The following ANXA8 variants were observed in gnomAD, a reference collection of about 807,000 sequenced individuals.
ANXA8 encodes VAC-beta.
ANXA8 carries 9 observed loss-of-function variants against 26.8 expected under a neutral mutation model. The ratio of observed to expected loss-of-function variants is 0.34; its 90% CI spans 0.20 to 0.59. ANXA8 has a LOEUF of 0.59. ANXA8 is among the 20% of genes least tolerant of loss of function. ANXA8 has a pLI of 0.84. For synonymous variants in ANXA8, 39 were observed against 94.8 expected (o/e 0.41, Z 3.42); for missense variants, 83 against 238.5 (o/e 0.35, Z 4.29).
the ANXA8 span, among the ~76,000 whole-genome samples, chr10:47,593,657 T>G: frequency 6.7e-6 from 1 of 149,640 alleles, no homozygotes; most frequent in Non-Finnish European, 1.5e-5. Context: ...ATATGGAAAC[T>G]TCACCCTCTG....
the ANXA8 span, chr10:47,496,200 C>T: frequency 0.037 from 5,644 of 151,442 alleles, 9 homozygotes; most frequent in African/African-American, 0.064. Flanking sequence ...GGGAGCCCCA[C>T]TCCCTCCACA....
At chr10:47,982,240 T>C in the ANXA8 span, among the ~76,000 whole-genome samples, 1 of 149,014 alleles carries the variant, frequency 6.7e-6, no homozygotes, top group Non-Finnish European at 1.5e-5. Context: ...CAGTGACCTA[T>C]GATCAAGGCA....
chr10:47,533,185 T>TCACACACACACA, the ANXA8 span, among the ~76,000 whole-genome samples: 73 of 102,448 alleles, frequency 7.1e-4, 3 homozygotes, highest in African/African-American at 2.6e-3. Context: ...TAAACACACA[T>TCACACACACACA]CACACACACA....
the ANXA8 span, among the ~76,000 whole-genome samples, chr10:47,685,379 ACAAAAAAACCTTG>A: frequency 1.4e-5 from 2 of 146,930 alleles, no homozygotes; most frequent in Non-Finnish European, 3.0e-5. Context: ...AAAAAAAAAC[ACAAAAAAACCTTG>A]TGTTTTGTGG....
the ANXA8 span, among the ~76,000 whole-genome samples, chr10:47,680,532 G>A: frequency 1.3e-5 from 2 of 151,730 alleles, no homozygotes; most frequent in Non-Finnish European, 1.5e-5. Context: ...CTACTCGGGA[G>A]ACTGAGGCGG....
At chr10:47,555,409 T>C in the ANXA8 span, among the ~76,000 whole-genome samples, 23 of 151,416 alleles carry the variant, frequency 1.5e-4, no homozygotes, top group Non-Finnish European at 3.1e-4. Flanking sequence ...CCTAGACTAG[T>C]AGCTGCTCCT....
chr10:47,507,983 C>T, the ANXA8 span, among the ~76,000 whole-genome samples: 1 of 113,358 alleles, frequency 8.8e-6, no homozygotes, highest in African/African-American at 3.2e-5. Context: ...CAACCTCCAC[C>T]ACCCAGGTTC....
the ANXA8 span, among the ~76,000 whole-genome samples, chr10:47,626,746 A>G: frequency 6.7e-6 from 1 of 150,332 alleles, no homozygotes; most frequent in African/African-American, 2.5e-5. Context: ...AATGTGGTTA[A>G]TTGTCTTATC....
At chr10:47,716,109 C>A in the ANXA8 span, among the ~76,000 whole-genome samples, 1 of 142,804 alleles carries the variant, frequency 7.0e-6, no homozygotes, top group Non-Finnish European at 1.5e-5. Context: ...ACAGAGTCTC[C>A]CTATGTTGCC....
At chr10:47,692,927 G>T in the ANXA8 span, among the ~76,000 whole-genome samples, 4 of 151,132 alleles carry the variant, frequency 2.6e-5, no homozygotes, top group Admixed American at 2.6e-4. Flanking sequence ...TAGAGACGGG[G>T]TTTCACCATG....
the ANXA8 span, chr10:47,762,968 G>A: frequency 3.8e-6 from 5 of 1,299,860 alleles, no homozygotes; most frequent in Non-Finnish European, 3.9e-6. Flanking sequence ...GGCTCCCTGC[G>A]GCTTGGGGCA....
the ANXA8 span, among the ~76,000 whole-genome samples, chr10:47,589,670 T>C: frequency 6.9e-6 from 1 of 145,568 alleles, no homozygotes; most frequent in Non-Finnish European, 1.5e-5. Context: ...ATTTGGCTTC[T>C]CATTCTCGCT....
At chr10:47,492,154 T>C in the ANXA8 span, among the ~76,000 whole-genome samples, 4 of 151,104 alleles carry the variant, frequency 2.6e-5, no homozygotes, top group African/African-American at 9.8e-5. Flanking sequence ...CTTTGAGTCA[T>C]GAACACAAGT....
chr10:47,622,904 C>T, the ANXA8 span, among the ~76,000 whole-genome samples: 1 of 113,176 alleles, frequency 8.8e-6, no homozygotes, highest in African/African-American at 3.4e-5. Context: ...TTCTCCTTTT[C>T]TCAATTGCCA....
At chr10:47,943,655 G>A in the ANXA8 span, among the ~76,000 whole-genome samples, 1 of 151,636 alleles carries the variant, frequency 6.6e-6, no homozygotes, top group Non-Finnish European at 1.5e-5. Context: ...AGGGCTTTGG[G>A]CTACAGGTGG....
chr10:47,777,233 T>C, the ANXA8 span, among the ~76,000 whole-genome samples: 1 of 151,552 alleles, frequency 6.6e-6, no homozygotes, highest in African/African-American at 2.4e-5. Flanking sequence ...GAGACAACCC[T>C]AAAGTTGCAT....
the ANXA8 span, among the ~76,000 whole-genome samples, chr10:47,580,784 A>AC: frequency 2.2e-3 from 327 of 149,936 alleles, 6 homozygotes; most frequent in Admixed American, 5.5e-3. Context: ...AAACAAACAA[A>AC]AAAAAACAGG....
chr10:47,943,985 C>CCT, the ANXA8 span, among the ~76,000 whole-genome samples: 1 of 147,920 alleles, frequency 6.8e-6, no homozygotes. Flanking sequence ...GGCAGACACT[C>CCT]CTGGCTCCTG....
the ANXA8 span, among the ~76,000 whole-genome samples, chr10:47,614,639 C>CTTTCT: frequency 2.0e-3 from 134 of 66,828 alleles, 13 homozygotes; most frequent in African/African-American, 5.5e-3. Flanking sequence ...CAGACTTATC[C>CTTTCT]TTTCTTTTCT....
Sources: gnomAD v4.1 joint callset for allele counts (sites outside exome capture counted in the v4.1 genomes callset) on GRCh38, gnomAD v4.1.1 for gene constraint, MANE v1.5 for transcripts, NCBI Gene and HGNC (gene_info 2026-07-23, HGNC 2026-07-21) for gene names.